YAF2: variants seen among roughly 807,000 people sequenced by gnomAD.
The protein encoded by YAF2 is YY1 associated factor 2.
YAF2 carries 7 observed loss-of-function variants against 20.1 expected under a neutral mutation model. The ratio of observed to expected loss-of-function variants is 0.35; its 90% CI spans 0.20 to 0.65. The LOEUF is 0.65. YAF2 is among the 30% of genes least tolerant of loss of function. YAF2 has a pLI of 0.69. For synonymous variants in YAF2, 74 were observed against 76.0 expected (o/e 0.97, Z 0.14); for missense variants, 151 against 219.2 (o/e 0.69, Z 1.96).
In YAF2 at chr12:42,238,158, G is replaced by T; in HGVS notation, c.23C>A (p.Thr8Asn). The T allele has an allele frequency of 2.6e-6, 4 of 1,546,940 alleles. No homozygotes were observed. Among genetic ancestry groups the T allele is most frequent in the Non-Finnish European group, 3.5e-6 (4 of 1,148,138 alleles). ...CCCGGGGCCCGGGCGCTGTTACCTG[G>T]TGGGGCTCTTCTTGTCTCCCATGGC... MGDKKSPTRPKRQPKPSS... is the reference protein window; with the variant it reads MGDKKSPNRPKRQPKPSS... The change falls in exon 1 of 4, where the codon ACC (threonine) becomes AAC (asparagine). Residue 8 changes from threonine (T) to asparagine (N), a missense_variant. Thr to Asn is a moderately conservative substitution (Grantham distance 65, BLOSUM62 0). This residue lies in a region of YAF2 where 50 missense variants were observed against 58.3 expected (regional missense o/e 0.86). Transcript: ENST00000534854.
At chr12:42,219,966 T>G (rs2067468308) in intron 2 of YAF2, among the ~76,000 whole-genome samples, 2 of 152,252 alleles carry the variant, frequency 1.3e-5, no homozygotes, top group South Asian at 2.1e-4. Flanking sequence ...AGTTCCCTGG[T>G]AAAATAAGAC....
intron 2 of YAF2, chr12:42,210,565 T>C: frequency 6.5e-7 from 1 of 1,536,042 alleles, no homozygotes; most frequent in Non-Finnish European, 8.7e-7. Flanking sequence ...AAATTGGAAA[T>C]TTCAACGGTT....
intron 2 of YAF2, among the ~76,000 whole-genome samples, chr12:42,189,156 T>C (rs950930031): frequency 1.3e-5 from 2 of 152,178 alleles, no homozygotes; most frequent in African/African-American, 4.8e-5. Context: ...AAAGTCACCA[T>C]CTCAAGAAGA....
At chr12:42,210,268 T>C in intron 2 of YAF2, 1 of 757,544 alleles carries the variant, frequency 1.3e-6, no homozygotes, top group East Asian at 3.4e-5. Flanking sequence ...AGTAACTTCC[T>C]TTCTTTTCAA....
intron 2 of YAF2, among the ~76,000 whole-genome samples, chr12:42,191,531 T>G (rs1592211009): frequency 6.6e-6 from 1 of 152,300 alleles, no homozygotes; most frequent in East Asian, 1.9e-4. Context: ...CTAAGCTATA[T>G]CATGGGGCCT....
chr12:42,158,197 A>G lies in YAF2; in HGVS notation c.*2392T>C, dbSNP rs936857132. ...TGAGATACCTGTGATTAATAAAAGT[A>G]AAATAATTTCAAGTCAACTTAATTC... On this transcript the variant is annotated 3_prime_UTR_variant, in exon 4 of 4. Coordinates refer to ENST00000534854, the MANE Select transcript of YAF2 (RefSeq NM_005748.6). The G allele has an allele frequency of 6.6e-6, 1 of 152,196 alleles. No homozygotes were observed. The highest frequency in any genetic ancestry group is 2.4e-5 in the African/African-American group (1 of 41,452). The allele number at this position is 152,196 out of a possible 1,614,324, so 9.4% of individuals were successfully genotyped here. A position where few individuals can be genotyped will look rare whatever the true frequency, so the allele number is the denominator to read the frequency against.
At chr12:42,188,383 C>CTTTTTT (rs765727694) in intron 2 of YAF2, among the ~76,000 whole-genome samples, 5 of 118,852 alleles carry the variant, frequency 4.2e-5, no homozygotes, top group South Asian at 2.7e-4. Flanking sequence ...ATATATTTTG[C>CTTTTTT]TTTTTTTTTT....
chr12:42,177,371 T>C (rs2066223072), intron 2 of YAF2, among the ~76,000 whole-genome samples: 1 of 152,032 alleles, frequency 6.6e-6, no homozygotes, highest in Admixed American at 6.6e-5. Context: ...TCCAGTAGGG[T>C]TCCGCTTCTA....
intron 2 of YAF2, chr12:42,235,778 G>A (rs919310305): frequency 6.5e-7 from 1 of 1,535,574 alleles, no homozygotes; most frequent in African/African-American, 1.4e-5. Flanking sequence ...AAAAATGTCA[G>A]GGGCCCCCAT....
intron 2 of YAF2, among the ~76,000 whole-genome samples, chr12:42,211,472 C>G (rs532783565): frequency 6.7e-6 from 1 of 148,368 alleles, no homozygotes; most frequent in East Asian, 2.0e-4. Context: ...CACAGTGGCT[C>G]ACGCCTGTAA....
At chr12:42,207,949 T>G (rs2067100569) in intron 2 of YAF2, among the ~76,000 whole-genome samples, 1 of 152,076 alleles carries the variant, frequency 6.6e-6, no homozygotes, top group Non-Finnish European at 1.5e-5. Context: ...AAGCTAATAT[T>G]TCAGTGGGGA....
intron 2 of YAF2, among the ~76,000 whole-genome samples, chr12:42,213,657 T>C (rs1475957481): frequency 6.6e-6 from 1 of 152,210 alleles, no homozygotes; most frequent in African/African-American, 2.4e-5. Context: ...AATTCCTCTA[T>C]TACATTTCAA....
chr12:42,227,859 CCCGCCCCGCCAG>C (rs2067790244), intron 2 of YAF2, among the ~76,000 whole-genome samples: 1 of 142,432 alleles, frequency 7.0e-6, no homozygotes, highest in African/African-American at 2.6e-5. Context: ...GGGTCAGCCC[CCCGCCCCGCCAG>C]CCGCCCCGTC....
chr12:42,233,170 C>G (rs779075583), intron 2 of YAF2: 351 of 985,216 alleles, frequency 3.6e-4, no homozygotes, highest in Admixed American at 1.1e-3. Context: ...AGTGTAACAT[C>G]TAGCACTCTT....
At chr12:42,227,154 G>A (rs2067740789) in intron 2 of YAF2, among the ~76,000 whole-genome samples, 1 of 145,978 alleles carries the variant, frequency 6.9e-6, no homozygotes, top group Non-Finnish European at 1.5e-5. Context: ...CGCCCGGGAG[G>A]CAGCGGCTGG....
At chr12:42,223,513 A>C (rs2067586539) in intron 2 of YAF2, among the ~76,000 whole-genome samples, 2 of 152,084 alleles carry the variant, frequency 1.3e-5, no homozygotes, top group African/African-American at 4.8e-5. Flanking sequence ...TTTTACCAAA[A>C]GTGCTTTATT....
chr12:42,165,617 C>T (rs2065895454), intron 2 of YAF2, among the ~76,000 whole-genome samples: 1 of 151,718 alleles, frequency 6.6e-6, no homozygotes, highest in Non-Finnish European at 1.5e-5. Flanking sequence ...GTGCCTGCCA[C>T]CATGCCCGGC....
intron 2 of YAF2, among the ~76,000 whole-genome samples, chr12:42,200,310 G>T (rs1434453193): frequency 6.6e-6 from 1 of 152,176 alleles, no homozygotes; most frequent in African/African-American, 2.4e-5. Context: ...AGATTTGCAT[G>T]TATCAACTGA....
chr12:42,182,603 A>C (rs2137054781), intron 2 of YAF2, among the ~76,000 whole-genome samples: 1 of 152,368 alleles, frequency 6.6e-6, no homozygotes, highest in Admixed American at 6.5e-5. Context: ...AAGATTGCCT[A>C]ATCTTCATGT....
Sources: gnomAD v4.1 joint callset for allele counts (sites outside exome capture counted in the v4.1 genomes callset) on GRCh38, gnomAD v4.1.1 for gene constraint, gnomAD v4.1.1 regional missense constraint, MANE v1.5 for transcripts, NCBI Gene and HGNC (gene_info 2026-07-23, HGNC 2026-07-21) for gene names.